Variants in FHIT observed in about 807,000 individuals in gnomAD.
The protein encoded by FHIT is fragile histidine triad diadenosine triphosphatase, also known as bis(5'-adenosyl)-triphosphatase.
Under a neutral mutation model 17.9 loss-of-function variants are expected in FHIT, and 19 were observed. The ratio of observed to expected loss-of-function variants is 1.06; its 90% confidence interval spans 0.74 to 1.56. FHIT has a LOEUF of 1.56. Ranked by LOEUF, FHIT falls within the 40% of genes most tolerant of loss-of-function variation. The pLI is 0.00. For missense variants in FHIT, 248 were observed against 189.2 expected (o/e 1.31, Z -1.82); for synonymous variants, 81 against 69.7 (o/e 1.16, Z -0.81).
intron 8 of FHIT, among the ~76,000 whole-genome samples, chr3:59,811,824 G>A (rs1182981715): frequency 1.3e-5 from 2 of 152,168 alleles, no homozygotes; most frequent in Non-Finnish European, 2.9e-5. Flanking sequence ...ATCTGTAAGG[G>A]GCAGTTAATA....
intron 3 of FHIT, among the ~76,000 whole-genome samples, chr3:61,036,905 T>TGTG (rs71100938): frequency 8.8e-6 from 1 of 113,072 alleles, no homozygotes; most frequent in South Asian, 3.7e-4. Context: ...TGCTTTGTTT[T>TGTG]TTTTTTTTGT....
intron 5 of FHIT, among the ~76,000 whole-genome samples, chr3:60,414,181 T>C (rs934441866): frequency 7.2e-5 from 11 of 152,168 alleles, no homozygotes; most frequent in Admixed American, 6.5e-4. Context: ...TGGAATCACA[T>C]GGAGGGCTTG....
At chr3:60,656,964 A>T (rs1314694293) in intron 4 of FHIT, among the ~76,000 whole-genome samples, 2 of 94,950 alleles carry the variant, frequency 2.1e-5, no homozygotes, top group African/African-American at 3.5e-5. Flanking sequence ...CTGAAAGGGA[A>T]TTTTTTTATG....
At chr3:60,129,534 T>C (rs1267337105) in intron 5 of FHIT, among the ~76,000 whole-genome samples, 7 of 152,224 alleles carry the variant, frequency 4.6e-5, no homozygotes, top group African/African-American at 1.4e-4. Flanking sequence ...ATGTTCTGAA[T>C]ATCCACATTT....
chr3:60,114,488 CCTTTTTTTTT>C (rs1394293114), intron 5 of FHIT, among the ~76,000 whole-genome samples: 2 of 59,480 alleles, frequency 3.4e-5, no homozygotes, highest in African/African-American at 1.5e-4. Flanking sequence ...CAAGAGAAAT[CCTTTTTTTTT>C]TTTTTTTTTT....
intron 5 of FHIT, among the ~76,000 whole-genome samples, chr3:60,072,442 C>A (rs1298151933): frequency 7.8e-6 from 1 of 127,880 alleles, no homozygotes; most frequent in Admixed American, 7.3e-5. Context: ...AACAACAAAA[C>A]ATCGTCAACA....
chr3:61,213,940 G>C (rs889644137), intron 1 of FHIT, among the ~76,000 whole-genome samples: 5 of 152,080 alleles, frequency 3.3e-5, no homozygotes, highest in African/African-American at 1.2e-4. Flanking sequence ...CAGAAATAAA[G>C]ATGTTCTTTG....
At chr3:59,814,762 T>C (rs950996238) in intron 8 of FHIT, among the ~76,000 whole-genome samples, 2 of 152,178 alleles carry the variant, frequency 1.3e-5, no homozygotes, top group African/African-American at 4.8e-5. Context: ...GCTCCCAATA[T>C]AGAGGCCCTT....
chr3:59,783,555 C>G (rs11917112), intron 8 of FHIT, among the ~76,000 whole-genome samples: 1,545 of 152,292 alleles, frequency 0.01, 22 homozygotes, highest in African/African-American at 0.033. Context: ...TCTGCCATCA[C>G]CAGGCACTTT....
intron 8 of FHIT, among the ~76,000 whole-genome samples, chr3:59,844,951 C>G (rs140234625): frequency 0.011 from 1,744 of 152,258 alleles, 30 homozygotes; most frequent in African/African-American, 0.039. Flanking sequence ...TAGGAGATTA[C>G]TGATCACTGA....
At chr3:60,913,267 A>G (rs1369393884) in intron 3 of FHIT, among the ~76,000 whole-genome samples, 1 of 152,256 alleles carries the variant, frequency 6.6e-6, no homozygotes, top group Non-Finnish European at 1.5e-5. Context: ...ATGAGCCAGT[A>G]CAGAATTTGA....
chr3:60,680,397 T>C (rs528363614), intron 4 of FHIT, among the ~76,000 whole-genome samples: 3 of 152,316 alleles, frequency 2.0e-5, no homozygotes, highest in Non-Finnish European at 4.4e-5. Flanking sequence ...TCTATTGATT[T>C]TTATTTCTGA....
At chr3:59,812,397 G>A (rs913578433) in intron 8 of FHIT, among the ~76,000 whole-genome samples, 2 of 152,192 alleles carry the variant, frequency 1.3e-5, no homozygotes, top group Non-Finnish European at 2.9e-5. Context: ...GAGTCAGACT[G>A]GAAGAAGTCG....
intron 3 of FHIT, among the ~76,000 whole-genome samples, chr3:60,964,004 T>C (rs922184921): frequency 3.3e-5 from 5 of 152,166 alleles, no homozygotes; most frequent in African/African-American, 1.2e-4. Context: ...TTCTGTCTCA[T>C]TGATCTGTCT....
chr3:61,132,540 G>A (rs747036488), intron 2 of FHIT, among the ~76,000 whole-genome samples: 12 of 152,172 alleles, frequency 7.9e-5, no homozygotes, highest in Non-Finnish European at 1.0e-4. Flanking sequence ...TGGGGATGCC[G>A]ATAAGGAGTG....
intron 8 of FHIT, among the ~76,000 whole-genome samples, chr3:59,874,439 C>T (rs1430493060): frequency 6.6e-6 from 1 of 152,178 alleles, no homozygotes; most frequent in Non-Finnish European, 1.5e-5. Flanking sequence ...TACTGAGCCC[C>T]AGTCAGCAGA....
At chr3:60,919,530 G>A (rs1165258882) in intron 3 of FHIT, among the ~76,000 whole-genome samples, 4 of 151,910 alleles carry the variant, frequency 2.6e-5, no homozygotes, top group East Asian at 1.9e-4. Flanking sequence ...AGAAACCAAG[G>A]ATTAATGCAA....
intron 2 of FHIT, among the ~76,000 whole-genome samples, chr3:61,047,272 C>A (rs2033835953): frequency 6.6e-6 from 1 of 152,180 alleles, no homozygotes; most frequent in Non-Finnish European, 1.5e-5. Context: ...TGATAGGCAA[C>A]TTCAGCAAAG....
At chr3:60,140,286 G>C (rs538136854) in intron 5 of FHIT, among the ~76,000 whole-genome samples, 2 of 152,040 alleles carry the variant, frequency 1.3e-5, no homozygotes, top group African/African-American at 4.8e-5. Flanking sequence ...TTTTCCTGTA[G>C]GAAACCACAG....
Sources: allele counts gnomAD v4.1 joint callset (sites outside exome capture counted in the v4.1 genomes callset), GRCh38; gene constraint gnomAD v4.1.1; transcripts MANE v1.5; gene names NCBI Gene and HGNC (gene_info 2026-07-23, HGNC 2026-07-21).